DPP10: variants seen among roughly 807,000 people sequenced by gnomAD.
DPP10 encodes inactive dipeptidyl peptidase 10.
Under a neutral mutation model 120.9 loss-of-function variants are expected in DPP10, and 33 were observed. The ratio of observed to expected loss-of-function variants is 0.27; its 90% CI spans 0.21 to 0.37. The LOEUF (loss-of-function observed/expected upper bound fraction) is 0.37. Among genes scored for constraint, DPP10 ranks in the 10% least tolerant of loss-of-function variants. The pLI, the probability that DPP10 is intolerant of heterozygous loss-of-function variation, is 1.00. For missense variants in DPP10, 816 were observed against 942.8 expected, an observed-to-expected ratio of 0.87 and a Z score of 1.76; for synonymous variants, 337 against 326.1, an observed-to-expected ratio of 1.03 and a Z score of -0.36.
chr2:115,282,472 C>G (rs2060198419), intron 1 of DPP10, among the ~76,000 whole-genome samples: 1 of 151,908 alleles, frequency 6.6e-6, no homozygotes, highest in Non-Finnish European at 1.5e-5. Context: ...TTTTATCCCC[C>G]TTCATCTCAC....
At chr2:115,332,834 A>G (rs943811313) in intron 2 of DPP10, among the ~76,000 whole-genome samples, 2 of 151,986 alleles carry the variant, frequency 1.3e-5, no homozygotes, top group African/African-American at 4.8e-5. Flanking sequence ...TGAGGAGAGC[A>G]TTCCTTCCAA....
chr2:115,785,619 G>T (rs55640341), intron 17 of DPP10, among the ~76,000 whole-genome samples: 1 of 152,018 alleles, frequency 6.6e-6, no homozygotes, highest in African/African-American at 2.4e-5. Flanking sequence ...TAGTTTGTGG[G>T]CATAGCGGCA....
intron 1 of DPP10, among the ~76,000 whole-genome samples, chr2:114,843,204 T>C (rs1688294222): frequency 6.6e-6 from 1 of 152,088 alleles, no homozygotes; most frequent in Admixed American, 6.6e-5. Flanking sequence ...AATCCCAGGA[T>C]GGTACTACTT....
chr2:115,635,924 T>C (rs1458763472), intron 5 of DPP10, among the ~76,000 whole-genome samples: 5 of 152,280 alleles, frequency 3.3e-5, no homozygotes, highest in African/African-American at 1.2e-4. Context: ...GAATAGAATA[T>C]TCATGTTTTC....
chr2:114,474,254 C>T (rs919419743), intron 1 of DPP10, among the ~76,000 whole-genome samples: 1 of 152,206 alleles, frequency 6.6e-6, no homozygotes, highest in African/African-American at 2.4e-5. Flanking sequence ...TTGCGCCCAG[C>T]CGCTTTTGCT....
At chr2:115,781,345 T>C (rs1682742834) in intron 16 of DPP10, among the ~76,000 whole-genome samples, 1 of 151,920 alleles carries the variant, frequency 6.6e-6, no homozygotes. Flanking sequence ...AGTCTTCTTT[T>C]TAAAACAATG....
chr2:115,641,091 G>T (rs2086738570), intron 5 of DPP10, among the ~76,000 whole-genome samples: 1 of 152,112 alleles, frequency 6.6e-6, no homozygotes, highest in Non-Finnish European at 1.5e-5. Context: ...TCCTGCAACA[G>T]CAACAATTGT....
At chr2:115,614,884 T>C (rs180746909) in intron 5 of DPP10, among the ~76,000 whole-genome samples, 2 of 152,170 alleles carry the variant, frequency 1.3e-5, no homozygotes, top group South Asian at 2.1e-4. Context: ...AAATATAATA[T>C]AATATTTGAG....
At chr2:114,839,941 A>C (rs1163562835) in intron 1 of DPP10, among the ~76,000 whole-genome samples, 1 of 152,132 alleles carries the variant, frequency 6.6e-6, no homozygotes, top group African/African-American at 2.4e-5. Flanking sequence ...GAATCTGGCA[A>C]TTTTATGCAT....
chr2:115,030,156 C>T (rs1440278774), intron 1 of DPP10, among the ~76,000 whole-genome samples: 5 of 152,004 alleles, frequency 3.3e-5, no homozygotes, highest in Non-Finnish European at 7.4e-5. Context: ...ATCAGGCAAA[C>T]TTGAGCCTCA....
At chr2:114,858,240 C>T (rs753780546) in intron 1 of DPP10, among the ~76,000 whole-genome samples, 1 of 152,142 alleles carries the variant, frequency 6.6e-6, no homozygotes, top group East Asian at 1.9e-4. Flanking sequence ...TCTGCCACCT[C>T]GGCCTCCCAA....
chr2:114,938,310 G>C (rs543206737), intron 1 of DPP10, among the ~76,000 whole-genome samples: 1 of 151,978 alleles, frequency 6.6e-6, no homozygotes, highest in Non-Finnish European at 1.5e-5. Flanking sequence ...TATAAAAATT[G>C]TTTAGCTAAA....
intron 1 of DPP10, among the ~76,000 whole-genome samples, chr2:114,687,542 C>T (rs1175777266): frequency 6.6e-6 from 1 of 151,946 alleles, no homozygotes; most frequent in Non-Finnish European, 1.5e-5. Context: ...CAAATTCTAA[C>T]CTTAATAAGG....
intron 1 of DPP10, among the ~76,000 whole-genome samples, chr2:115,204,066 A>G (rs1194388434): frequency 6.6e-6 from 1 of 152,136 alleles, no homozygotes; most frequent in Non-Finnish European, 1.5e-5. Flanking sequence ...AATTTTCTTC[A>G]GTTATCCTGA....
intron 5 of DPP10, among the ~76,000 whole-genome samples, chr2:115,644,243 A>G (rs2087034472): frequency 6.6e-6 from 1 of 152,106 alleles, no homozygotes; most frequent in Non-Finnish European, 1.5e-5. Context: ...TACATGTGCC[A>G]TGTTGGTGTG....
chr2:114,995,360 C>G (rs566339132), intron 1 of DPP10, among the ~76,000 whole-genome samples: 12 of 152,108 alleles, frequency 7.9e-5, no homozygotes, highest in African/African-American at 2.4e-4. Flanking sequence ...ATTCCTAGAA[C>G]AGTAGTTGAT....
chr2:114,745,449 T>C (rs1160907675), intron 1 of DPP10, among the ~76,000 whole-genome samples: 1 of 152,254 alleles, frequency 6.6e-6, no homozygotes, highest in Non-Finnish European at 1.5e-5. Flanking sequence ...ATCAGATTAT[T>C]TTAATTCAAG....
intron 21 of DPP10, among the ~76,000 whole-genome samples, chr2:115,826,227 G>GT: frequency 6.6e-6 from 1 of 152,260 alleles, no homozygotes; most frequent in East Asian, 1.9e-4. Flanking sequence ...AGTCTGGTCC[G>GT]TTGAGGCCTA....
chr2:114,542,901 GCT>G (rs1687066643), intron 1 of DPP10, among the ~76,000 whole-genome samples: 1 of 152,090 alleles, frequency 6.6e-6, no homozygotes, highest in South Asian at 2.1e-4. Flanking sequence ...AATACCTGTG[GCT>G]CTATTTCCTC....
Sources: gnomAD v4.1 joint callset for allele counts (sites outside exome capture counted in the v4.1 genomes callset) on GRCh38, gnomAD v4.1.1 for gene constraint, MANE v1.5 for transcripts, NCBI Gene and HGNC (gene_info 2026-07-23, HGNC 2026-07-21) for gene names.